The following SEMA3A variants were observed in gnomAD, a reference collection of about 807,000 sequenced individuals.
The protein encoded by SEMA3A is semaphorin-3A.
A neutral mutation model predicts 97.9 loss-of-function variants in SEMA3A; 29 were observed. The ratio of observed to expected loss-of-function variants is 0.30; its 90% confidence interval spans 0.22 to 0.40. SEMA3A has a LOEUF of 0.40. Ranked by LOEUF, SEMA3A falls within the 10% of genes least tolerant of loss-of-function variation. The pLI is 1.00. For missense variants in SEMA3A, 763 were observed against 951.3 expected (o/e 0.80, Z 2.60); for synonymous variants, 321 against 323.7 (o/e 0.99, Z 0.09).
chr7:83,961,801 C>G lies in SEMA3A; in HGVS notation c.1886G>C (p.Arg629Thr), dbSNP rs1024585081. 17 of 1,613,494 alleles carry G rather than the reference C, an allele frequency of 1.1e-5. No homozygotes were observed. The highest frequency in any genetic ancestry group is 1.4e-5 in the Non-Finnish European group (16 of 1,179,708). The change falls in exon 17 of 17, where the codon AGG becomes ACG. Residue 629 changes from arginine (R) to threonine (T), a missense_variant. Transcript: ENST00000265362. ...EEIRVDDHII[R>T]TDQGLLLRSL... ...ACGTAGCAGAAGGCCTTGATCTGTCCTGATGATATGATCATCCACTCTGAT... is the reference window on the plus strand; with the variant it reads ...ACGTAGCAGAAGGCCTTGATCTGTCGTGATGATATGATCATCCACTCTGAT...
At chr7:84,468,150 T>G (rs577283917) in intron 1 of SEMA3A, among the ~76,000 whole-genome samples, 1 of 152,302 alleles carries the variant, frequency 6.6e-6, no homozygotes, top group African/African-American at 2.4e-5. Context: ...AAAAGTTACT[T>G]GTTGGTAGCA....
chr7:84,003,992 T>TTTG (rs1177220465), intron 11 of SEMA3A, among the ~76,000 whole-genome samples: 3 of 152,130 alleles, frequency 2.0e-5, no homozygotes, highest in Admixed American at 2.0e-4. Context: ...ATTTCACAAT[T>TTTG]TTGTTATAAA....
chr7:84,477,438 C>CAAA (rs11335984), intron 1 of SEMA3A, among the ~76,000 whole-genome samples: 31 of 42,318 alleles, frequency 7.3e-4, no homozygotes, highest in East Asian at 2.2e-3. Flanking sequence ...GACTCTGTCT[C>CAAA]AAAAAAAAAA....
chr7:84,322,031 T>C (rs1801662034), intron 2 of SEMA3A, among the ~76,000 whole-genome samples: 1 of 151,734 alleles, frequency 6.6e-6, no homozygotes, highest in African/African-American at 2.4e-5. Flanking sequence ...AATCACCTCA[T>C]CACAGGGTGG....
rs114692027 is a variant in SEMA3A, at chr7:84,327,822, C to T, written c.-168-20530G>A. On this transcript the variant is annotated intron_variant, in intron 2 of 3. Coordinates refer to the SEMA3A transcript ENST00000424555. The stretch of plus-strand genomic sequence containing the variant: ...TGCAAGCTTCAATGTAGAAAAGCAG[C>T]TATGGAACATGGTCTCTTTGATAAA... Among the ~76,000 whole-genome samples the T allele has an allele frequency of 6.5e-3, 985 of 152,062 alleles. 16 individuals are homozygous for T. The highest frequency in any genetic ancestry group is 0.023 in the African/African-American group (952 of 41,528).
At chr7:84,229,377 C>T (rs1382689958) in intron 3 of SEMA3A, among the ~76,000 whole-genome samples, 1 of 152,120 alleles carries the variant, frequency 6.6e-6, no homozygotes, top group Admixed American at 6.6e-5. Flanking sequence ...AGTGACACAG[C>T]ATTTACTAGA....
intron 3 of SEMA3A, among the ~76,000 whole-genome samples, chr7:84,254,145 T>C (rs1799666464): frequency 6.6e-6 from 1 of 152,090 alleles, no homozygotes; most frequent in Non-Finnish European, 1.5e-5. Context: ...CTGTGAGAGA[T>C]TTAATCATCT....
intron 1 of SEMA3A, among the ~76,000 whole-genome samples, chr7:84,423,371 A>G (rs1405873880): frequency 6.6e-6 from 1 of 152,042 alleles, no homozygotes; most frequent in African/African-American, 2.4e-5. Flanking sequence ...TCTTAAAAAT[A>G]CTGGGCATAT....
In SEMA3A at chr7:84,390,092, A is replaced by G. The variant is rs558999034; in HGVS notation, c.-245-18192T>C. On this transcript the variant is annotated intron_variant, in intron 1 of 3. Coordinates refer to the SEMA3A transcript ENST00000424555. ...CGGTTTGTTATGATTATTTTTTACC[A>G]AAATAACAGCCACAAGTATCCTCTG... Among the ~76,000 whole-genome samples the G allele has an allele frequency of 1.9e-3, 286 of 152,184 alleles. 2 individuals carry two copies. Among genetic ancestry groups the G allele is most frequent in the African/African-American group, 6.6e-3 (276 of 41,552 alleles).
intron 5 of SEMA3A, among the ~76,000 whole-genome samples, chr7:84,055,570 C>T (rs1250970631): frequency 5.3e-5 from 8 of 152,270 alleles, no homozygotes; most frequent in South Asian, 2.1e-4. Context: ...GGCTCGTGCA[C>T]GGTGCGCGCA....
upstream of SEMA3A, chr7:84,194,940 G>A (rs1284451261): frequency 1.7e-5 from 3 of 173,318 alleles, no homozygotes; most frequent in East Asian, 1.5e-4. Flanking sequence ...TCTGATAGCC[G>A]GTGGCAGTCT....
At chr7:84,327,893 A>T (rs1324506163) in intron 2 of SEMA3A, among the ~76,000 whole-genome samples, 1 of 151,994 alleles carries the variant, frequency 6.6e-6, no homozygotes, top group Non-Finnish European at 1.5e-5. Context: ...TTTTTTAGCC[A>T]GAGTTAAAAT....
At chr7:84,101,251 C>G (rs2115899664) in intron 4 of SEMA3A, among the ~76,000 whole-genome samples, 1 of 149,890 alleles carries the variant, frequency 6.7e-6, no homozygotes, top group Non-Finnish European at 1.5e-5. Flanking sequence ...ATATAAAAAG[C>G]TTTCATGAAA....
At chr7:84,136,858 A>G (rs966600241) in intron 1 of SEMA3A, among the ~76,000 whole-genome samples, 2 of 151,894 alleles carry the variant, frequency 1.3e-5, no homozygotes, top group Non-Finnish European at 1.5e-5. Flanking sequence ...GAGAAATAGT[A>G]CAATACTAGG....
intron 3 of SEMA3A, among the ~76,000 whole-genome samples, chr7:84,292,040 G>A (rs1436806662): frequency 6.6e-6 from 1 of 152,088 alleles, no homozygotes; most frequent in Non-Finnish European, 1.5e-5. Flanking sequence ...AGCAGAAATT[G>A]CTACTTCTAA....
chr7:84,414,193 T>C (rs1804361207), intron 1 of SEMA3A, among the ~76,000 whole-genome samples: 1 of 152,142 alleles, frequency 6.6e-6, no homozygotes, highest in Non-Finnish European at 1.5e-5. Context: ...TGTTCACCAT[T>C]TTTGTTTGAA....
At position 84,266,727 on chromosome 7, in the gene SEMA3A, T is replaced by G. The variant is rs539101562; in HGVS notation, c.-83+40480A>C. 6.6e-5 allele frequency among the ~76,000 whole-genome samples: 10 copies of G among 152,218 alleles called. 1 individual carries two copies. The East Asian group carries it at 1.7e-3, about 26-fold the overall frequency. ...ATAGAAATGATGAATTAGCTGAGGT[T>G]TGGACATCACAGGACTTGCTAGTAT... On this transcript the variant is annotated intron_variant, in intron 3 of 3. Transcript: ENST00000424555.
At chr7:84,337,798 G>A (rs746315275) in intron 2 of SEMA3A, among the ~76,000 whole-genome samples, 12 of 152,026 alleles carry the variant, frequency 7.9e-5, no homozygotes, top group Non-Finnish European at 1.6e-4. Context: ...GCACATGTTC[G>A]TCTTGATCTA....
intron 1 of SEMA3A, among the ~76,000 whole-genome samples, chr7:84,192,628 ATATTTT>A (rs1798083249): frequency 6.6e-6 from 1 of 151,956 alleles, no homozygotes; most frequent in Admixed American, 6.6e-5. Context: ...ATTAAATGTA[ATATTTT>A]TAATGTACAG....
Sources: gnomAD v4.1 joint callset for allele counts (sites outside exome capture counted in the v4.1 genomes callset) on GRCh38, gnomAD v4.1.1 for gene constraint, MANE v1.5 for transcripts, NCBI Gene and HGNC (gene_info 2026-07-23, HGNC 2026-07-21) for gene names.